NCBP1: variants seen among roughly 807,000 people sequenced by gnomAD.
NCBP1 encodes nuclear cap binding protein subunit 1, also known as nuclear cap-binding protein subunit 1.
A neutral mutation model predicts 111.7 loss-of-function variants in NCBP1; 16 were observed. That is an observed-to-expected ratio of 0.14 (90% CI 0.10 to 0.22). NCBP1 has a LOEUF of 0.22. Among genes scored for constraint, NCBP1 ranks in the 10% least tolerant of loss-of-function variants. NCBP1 has a pLI of 1.00. For synonymous variants in NCBP1, 304 were observed against 314.3 expected, an observed-to-expected ratio of 0.97 and a Z score of 0.35; for missense variants, 607 against 957.5, an observed-to-expected ratio of 0.63 and a Z score of 4.83.
rs1190554426 is a variant in NCBP1 at position 97,671,249 on chromosome 9, TTG to T, written c.*52_*53del. 7 of 1,331,526 alleles carry T rather than the reference TTG, an allele frequency of 5.3e-6. No homozygotes were observed. Among genetic ancestry groups the T allele is most frequent in the South Asian group, 1.3e-5 (1 of 78,802 alleles). The allele number at this position is 1,331,526 out of a possible 1,614,324, so 82.5% of individuals were successfully genotyped here. A position where few individuals can be genotyped will look rare whatever the true frequency, so the allele number is the denominator to read the frequency against. ...GTTTTTTTTGATATCTTAAAATAAT[TTG>T]TCTTATTTTTTGATGGTTTGAATGC... On this transcript the variant is annotated 3_prime_UTR_variant, in exon 23 of 23. Transcript: ENST00000375147.
intron 3 of NCBP1, among the ~76,000 whole-genome samples, chr9:97,642,745 G>C (rs1564018544): frequency 6.6e-6 from 1 of 152,046 alleles, no homozygotes; most frequent in Admixed American, 6.6e-5. Flanking sequence ...TCTCAAAGTA[G>C]AATTCTAGTT....
chr9:97,658,766 C>CT (rs749222131), intron 15 of NCBP1, 23 bp downstream of exon 15: 1 of 1,518,538 alleles, frequency 6.6e-7, no homozygotes, highest in South Asian at 1.1e-5. Flanking sequence ...ACTAATCCCT[C>CT]TGTCTTTAAA....
intron 6 of NCBP1, among the ~76,000 whole-genome samples, chr9:97,646,750 T>C (rs1417778335): frequency 7.3e-5 from 11 of 150,478 alleles, no homozygotes; most frequent in African/African-American, 2.7e-4. Flanking sequence ...GGCAGGAGAA[T>C]TGCTTGAACC....
At chr9:97,647,661 T>A in intron 7 of NCBP1, 100 bp downstream of exon 7, 1 of 1,027,662 alleles carries the variant, frequency 9.7e-7, no homozygotes, top group Non-Finnish European at 1.5e-6. Flanking sequence ...ACCCTTTGAC[T>A]GTGTTTCTAC....
At chr9:97,666,636 T>A (rs1204065445) in intron 19 of NCBP1, 127 bp from the exon 20 acceptor site, 1 of 579,536 alleles carries the variant, frequency 1.7e-6, no homozygotes, top group African/African-American at 1.9e-5. Context: ...TGGAGAAAGA[T>A]GACTAATTCA....
At chr9:97,635,423 T>G (rs1826988533) in intron 1 of NCBP1, among the ~76,000 whole-genome samples, 1 of 151,788 alleles carries the variant, frequency 6.6e-6, no homozygotes, top group Non-Finnish European at 1.5e-5. Context: ...CCTTTTTTTT[T>G]TTTTTCTGAG....
At chr9:97,654,596 G>C (rs187076189) in intron 11 of NCBP1, among the ~76,000 whole-genome samples, 159 of 151,886 alleles carry the variant, frequency 1.0e-3, no homozygotes, top group Non-Finnish European at 9.3e-4. Flanking sequence ...TTTCTGCTAA[G>C]CACAATGAAA....
chr9:97,656,353 G>A (rs1176423223), intron 14 of NCBP1, among the ~76,000 whole-genome samples: 1 of 152,202 alleles, frequency 6.6e-6, no homozygotes, highest in African/African-American at 2.4e-5. Context: ...AGGCCAAAGC[G>A]GGTGGATCAC....
Position 97,671,764 on chromosome 9 carries a change from A to G in NCBP1, c.*565A>G, listed in dbSNP as rs1173900896. On this transcript the variant is annotated 3_prime_UTR_variant, in exon 23 of 23. Transcript: ENST00000375147. ...ATCTTTAAGACATGACTTGTTAGTA[A>G]TAAAAGTGTTACTAGTTGGAAGAGT... is the stretch of plus-strand genomic sequence containing the variant. 1 of 152,258 alleles carries G rather than the reference A, an allele frequency of 6.6e-6. No homozygotes were observed. Among genetic ancestry groups the G allele is most frequent in the African/African-American group, 2.4e-5 (1 of 41,470 alleles). The allele number at this position is 152,258 out of a possible 1,614,324, so 9.4% of individuals were successfully genotyped here. A position where few individuals can be genotyped will look rare whatever the true frequency, so the allele number is the denominator to read the frequency against.
Position 97,645,106 on chromosome 9 carries a change from T to C in NCBP1, c.382-11T>C. 6.3e-7 allele frequency: 1 copy of C among 1,598,968 alleles called. No individual in the cohort carries two copies. Among genetic ancestry groups the C allele is most frequent in the Non-Finnish European group, 8.6e-7 (1 of 1,166,430 alleles). On this transcript the variant is annotated splice_polypyrimidine_tract_variant and intron_variant, in intron 4 of 22. Coordinates refer to ENST00000375147, the MANE Select transcript of NCBP1 (RefSeq NM_002486.5). Reference sequence around the variant, plus strand: ...TTTAGGTTTAATAGCAGAAATTGTTTGCCCCAACAGGTCCGTTTTTTATCT... The same window carrying C: ...TTTAGGTTTAATAGCAGAAATTGTTCGCCCCAACAGGTCCGTTTTTTATCT...
At chr9:97,640,276 T>C (rs1827169053) in intron 1 of NCBP1, among the ~76,000 whole-genome samples, 1 of 152,184 alleles carries the variant, frequency 6.6e-6, no homozygotes, top group African/African-American at 2.4e-5. Flanking sequence ...TTATAGCTGA[T>C]ATGACAGCTT....
intron 1 of NCBP1, among the ~76,000 whole-genome samples, chr9:97,636,258 A>G (rs1335304113): frequency 6.6e-6 from 1 of 152,060 alleles, no homozygotes; most frequent in Non-Finnish European, 1.5e-5. Context: ...TTAGTTAAAA[A>G]TCTATTTTTT....
intron 7 of NCBP1, 48 bp from the exon 8 acceptor site, chr9:97,647,960 A>G (rs1827393281): frequency 7.0e-7 from 1 of 1,423,218 alleles, no homozygotes; most frequent in Non-Finnish European, 9.6e-7. Context: ...CATTTTGTCT[A>G]GTCAAAATGT....
intron 2 of NCBP1, 103 bp from the exon 3 acceptor site, chr9:97,641,459 G>T: frequency 1.2e-6 from 1 of 853,074 alleles, no homozygotes. Flanking sequence ...ATTTTAAAAT[G>T]ATAGATTTTA....
chr9:97,671,258 T>A lies in NCBP1; in HGVS notation c.*59T>A. 8.0e-7 allele frequency: 1 copy of A among 1,251,624 alleles called. No homozygotes were observed. The highest frequency in any genetic ancestry group is 1.1e-6 in the Non-Finnish European group (1 of 874,086). 77.5% of individuals were successfully genotyped at this position (1,251,624 alleles called of 1,614,324 possible). The stretch of plus-strand genomic sequence containing the variant: ...GATATCTTAAAATAATTTGTCTTAT[T>A]TTTTGATGGTTTGAATGCTTGCTTT... On this transcript the variant is annotated 3_prime_UTR_variant, in exon 23 of 23. Coordinates refer to ENST00000375147, the MANE Select transcript of NCBP1 (RefSeq NM_002486.5).
At position 97,633,833 on chromosome 9, in the gene NCBP1, C is replaced by T; in HGVS notation, c.-49C>T. On this transcript the variant is annotated 5_prime_UTR_variant, in exon 1 of 23. Coordinates refer to ENST00000375147, the MANE Select transcript of NCBP1 (RefSeq NM_002486.5). ...TCGGCCAGCGGCCAGACAGTTCCTG[C>T]AGCGCTTACCGCCTGGCCTCTCGGT... 1 of 1,555,028 alleles carries T rather than the reference C, an allele frequency of 6.4e-7. No homozygotes were observed. Among genetic ancestry groups the T allele is most frequent in the Non-Finnish European group, 8.6e-7 (1 of 1,156,522 alleles).
chr9:97,650,496 T>C lies in NCBP1; in HGVS notation c.898-7T>C. On this transcript the variant is annotated splice_region_variant and splice_polypyrimidine_tract_variant and intron_variant, in intron 8 of 22. Coordinates refer to ENST00000375147, the MANE Select transcript of NCBP1 (RefSeq NM_002486.5). ...CCTGTAGTGTACACATTTGGTTTTCTTTCCAGGGTCCTGTCATGCCAGGGA... is the reference window on the plus strand; with the variant it reads ...CCTGTAGTGTACACATTTGGTTTTCCTTCCAGGGTCCTGTCATGCCAGGGA... 6.2e-7 allele frequency: 1 copy of C among 1,611,070 alleles called. No individual in the cohort carries two copies. Among genetic ancestry groups the C allele is most frequent in the Non-Finnish European group, 8.5e-7 (1 of 1,178,026 alleles).
chr9:97,668,508 A>G (rs1468500858), intron 20 of NCBP1, among the ~76,000 whole-genome samples: 1 of 152,188 alleles, frequency 6.6e-6, no homozygotes, highest in Non-Finnish European at 1.5e-5. Context: ...CCATTAGCAG[A>G]TGAATGATTA....
chr9:97,659,516 C>T (rs1827771195), intron 15 of NCBP1, among the ~76,000 whole-genome samples: 1 of 152,148 alleles, frequency 6.6e-6, no homozygotes, highest in Admixed American at 6.5e-5. Context: ...TATGTCAACT[C>T]TGAAGAATAG....
Sources: allele counts gnomAD v4.1 joint callset (sites outside exome capture counted in the v4.1 genomes callset), GRCh38; gene constraint gnomAD v4.1.1; transcripts MANE v1.5; gene names NCBI Gene and HGNC (gene_info 2026-07-23, HGNC 2026-07-21).